The following RARB variants were observed in gnomAD, a reference collection of about 807,000 sequenced individuals.
RARB encodes HBV-activated protein.
In RARB, 17 loss-of-function variants were observed where a neutral mutation model predicts 51.9. That is an observed-to-expected ratio of 0.33 (90% CI 0.22 to 0.49). The LOEUF is 0.49. RARB is among the 20% of genes least tolerant of loss of function. RARB has a pLI of 0.99. For synonymous variants in RARB, 215 were observed against 195.4 expected (o/e 1.10, Z -0.84); for missense variants, 369 against 550.8 (o/e 0.67, Z 3.30).
At chr3:25,292,043 C>T (rs1262056200) in intron 5 of RARB, among the ~76,000 whole-genome samples, 1 of 146,022 alleles carries the variant, frequency 6.8e-6, no homozygotes, top group Admixed American at 6.8e-5. Context: ...GAGTCTTCCT[C>T]CCACTTTTTT....
At chr3:25,473,528 G>T (rs989598889) in intron 2 of RARB, among the ~76,000 whole-genome samples, 1 of 152,050 alleles carries the variant, frequency 6.6e-6, no homozygotes, top group Non-Finnish European at 1.5e-5. Flanking sequence ...GGGCATTTTT[G>T]TTGGGGTTGG....
At chr3:24,933,346 T>C (rs1052628432) in intron 2 of RARB, among the ~76,000 whole-genome samples, 17 of 152,222 alleles carry the variant, frequency 1.1e-4, no homozygotes, top group Admixed American at 1.0e-3. Context: ...ACATATCTGA[T>C]GTCTTCTATA....
chr3:25,019,009 C>A (rs1204176293), intron 2 of RARB, among the ~76,000 whole-genome samples: 2 of 152,144 alleles, frequency 1.3e-5, no homozygotes, highest in South Asian at 2.1e-4. Context: ...GAAATTATAG[C>A]CTGTTTAAGC....
intron 4 of RARB, among the ~76,000 whole-genome samples, chr3:25,150,085 C>T (rs1700258948): frequency 1.3e-5 from 2 of 151,896 alleles, no homozygotes; most frequent in African/African-American, 4.8e-5. Context: ...ACCTGTAATA[C>T]CAGCTACTCG....
At chr3:24,981,498 C>A (rs913703024) in intron 2 of RARB, among the ~76,000 whole-genome samples, 5 of 152,148 alleles carry the variant, frequency 3.3e-5, no homozygotes, top group Non-Finnish European at 5.9e-5. Flanking sequence ...TCAGTGGACG[C>A]CCCTCCCCCC....
chr3:25,364,582 G>T (rs1706053449), intron 5 of RARB, among the ~76,000 whole-genome samples: 1 of 152,220 alleles, frequency 6.6e-6, no homozygotes, highest in Non-Finnish European at 1.5e-5. Context: ...ATGGGTTAGA[G>T]ATTCAGCAGG....
chr3:25,071,528 G>A (rs542947792), intron 3 of RARB, among the ~76,000 whole-genome samples: 69 of 152,166 alleles, frequency 4.5e-4, no homozygotes, highest in African/African-American at 1.3e-3. Flanking sequence ...CTTGCCAAAC[G>A]GGAAAAACAT....
At chr3:25,386,618 G>A (rs566631845) in intron 5 of RARB, among the ~76,000 whole-genome samples, 5 of 152,284 alleles carry the variant, frequency 3.3e-5, no homozygotes, top group Middle Eastern at 3.4e-3. Flanking sequence ...TTCAGAGTCG[G>A]TGCAATATTT....
chr3:25,490,873 A>G (rs760413202), intron 2 of RARB, among the ~76,000 whole-genome samples: 2 of 152,202 alleles, frequency 1.3e-5, no homozygotes, highest in Non-Finnish European at 2.9e-5. Context: ...AGTTGGTTCA[A>G]ATTCTCAGAA....
Position 25,176,334 on chromosome 3 carries a change from TTTCC to T in RARB, c.178+1810_178+1813del, listed in dbSNP as rs71057701. Among the ~76,000 whole-genome samples, 433 of 108,418 alleles carry T rather than the reference TTTCC, an allele frequency of 4.0e-3. 5 individuals carry two copies. The highest frequency in any genetic ancestry group is 6.4e-3 in the Non-Finnish European group (329 of 51,720). 71.1% of individuals were successfully genotyped at this position (108,418 alleles called of 152,430 possible). On this transcript the variant is annotated intron_variant, in intron 5 of 11. Coordinates refer to the RARB transcript ENST00000383772. ...CTTTCTTTCTTTCTTTCTTTCTTTC[TTTCC>T]TTCCTTCCTTCCTTCCTTCCTTCCT... is the stretch of plus-strand genomic sequence containing the variant.
At chr3:25,522,884 G>C (rs112168617) in intron 3 of RARB, among the ~76,000 whole-genome samples, 2 of 152,160 alleles carry the variant, frequency 1.3e-5, no homozygotes, top group East Asian at 1.9e-4. Flanking sequence ...AGGCTGGTTG[G>C]TCTCCAGTAG....
chr3:25,142,103 G>A (rs56189892), intron 4 of RARB, among the ~76,000 whole-genome samples: 19,968 of 152,124 alleles, frequency 0.13, 1,459 homozygotes, highest in African/African-American at 0.19. Context: ...AGGATGAGGC[G>A]GACAGATCAT....
At chr3:25,127,288 C>T (rs773522187) in intron 3 of RARB, among the ~76,000 whole-genome samples, 2 of 152,130 alleles carry the variant, frequency 1.3e-5, no homozygotes, top group African/African-American at 2.4e-5. Flanking sequence ...CAGGACCTGT[C>T]ACTACTGGGC....
intron 2 of RARB, among the ~76,000 whole-genome samples, chr3:24,973,498 A>C (rs968926886): frequency 2.6e-5 from 4 of 151,892 alleles, no homozygotes; most frequent in Non-Finnish European, 5.9e-5. Context: ...GTTTCTATGG[A>C]GAATATAACT....
chr3:24,983,638 A>G (rs1431649609), intron 2 of RARB, among the ~76,000 whole-genome samples: 1 of 151,996 alleles, frequency 6.6e-6, no homozygotes, highest in Non-Finnish European at 1.5e-5. Context: ...TTATCTTACT[A>G]CTAGAGAACT....
intron 1 of RARB, among the ~76,000 whole-genome samples, chr3:25,443,879 C>G (rs1005904189): frequency 6.6e-6 from 1 of 151,866 alleles, no homozygotes; most frequent in Non-Finnish European, 1.5e-5. Flanking sequence ...TACAGTGAGC[C>G]GAGATAGCAC....
intron 5 of RARB, among the ~76,000 whole-genome samples, chr3:25,266,050 G>T (rs1168263399): frequency 6.6e-6 from 1 of 152,054 alleles, no homozygotes; most frequent in Non-Finnish European, 1.5e-5. Context: ...AAGGACTCTT[G>T]TAATCACATT....
intron 5 of RARB, among the ~76,000 whole-genome samples, chr3:25,282,619 T>C (rs1317533870): frequency 6.6e-6 from 1 of 152,200 alleles, no homozygotes; most frequent in Non-Finnish European, 1.5e-5. Flanking sequence ...TGGTGCTTGA[T>C]AAATATTTGC....
chr3:25,131,017 AAAT>A (rs1272284729), intron 3 of RARB, among the ~76,000 whole-genome samples: 5 of 147,476 alleles, frequency 3.4e-5, no homozygotes, highest in African/African-American at 1.3e-4. Flanking sequence ...TTTATCAATG[AAAT>A]TATATATTTT....
Sources: gnomAD v4.1 joint callset for allele counts (sites outside exome capture counted in the v4.1 genomes callset) on GRCh38, gnomAD v4.1.1 for gene constraint, MANE v1.5 for transcripts, NCBI Gene and HGNC (gene_info 2026-07-23, HGNC 2026-07-21) for gene names.